PPM1H: variants seen among roughly 807,000 people sequenced by gnomAD.
PPM1H encodes the protein protein phosphatase 1H.
In PPM1H, 27 loss-of-function variants were observed where a neutral mutation model predicts 54.9. That is an observed-to-expected ratio of 0.49 (90% CI 0.36 to 0.68). The LOEUF is 0.68. PPM1H is among the 30% of genes least tolerant of loss of function. The pLI is 0.00. For missense variants in PPM1H, 596 were observed against 667.8 expected, an observed-to-expected ratio of 0.89 and a Z score of 1.19; for synonymous variants, 305 against 270.8, an observed-to-expected ratio of 1.13 and a Z score of -1.24.
intron 1 of PPM1H, among the ~76,000 whole-genome samples, chr12:62,905,827 T>A (rs1307737332): frequency 6.6e-6 from 1 of 152,188 alleles, no homozygotes; most frequent in African/African-American, 2.4e-5. Context: ...CTTCCATGTC[T>A]TACTAATGGA....
chr12:62,847,178 G>A (rs1337602544), intron 1 of PPM1H, among the ~76,000 whole-genome samples: 1 of 152,184 alleles, frequency 6.6e-6, no homozygotes, highest in Non-Finnish European at 1.5e-5. Flanking sequence ...GAGAGGGAGA[G>A]ACAAAGAGGA....
chr12:62,805,702 A>C (rs889018438), intron 2 of PPM1H, among the ~76,000 whole-genome samples: 1 of 152,166 alleles, frequency 6.6e-6, no homozygotes, highest in Non-Finnish European at 1.5e-5. Context: ...GGGGTTGAGG[A>C]AAGTGGGGAG....
chr12:62,916,011 G>T (rs1338186994), intron 1 of PPM1H, among the ~76,000 whole-genome samples: 1 of 152,088 alleles, frequency 6.6e-6, no homozygotes, highest in Non-Finnish European at 1.5e-5. Context: ...TCCAAACTTA[G>T]AATTAACCAG....
intron 6 of PPM1H, among the ~76,000 whole-genome samples, chr12:62,704,901 C>T (rs1414716986): frequency 6.6e-6 from 1 of 152,222 alleles, no homozygotes; most frequent in Non-Finnish European, 1.5e-5. Flanking sequence ...CCTATCAGCA[C>T]GCCTGAGCCA....
intron 4 of PPM1H, among the ~76,000 whole-genome samples, chr12:62,776,348 C>A (rs1345235266): frequency 6.6e-6 from 1 of 152,230 alleles, no homozygotes; most frequent in African/African-American, 2.4e-5. Context: ...ACTACTAAGT[C>A]CCTTCCCTTG....
chr12:62,683,033 T>TTTATTATTA (rs71086626), intron 8 of PPM1H, among the ~76,000 whole-genome samples: 79 of 133,660 alleles, frequency 5.9e-4, no homozygotes, highest in East Asian at 1.3e-3. Context: ...GAGTTTATTA[T>TTTATTATTA]TTATTATTAT....
chr12:62,913,124 A>G (rs1358166797), intron 1 of PPM1H, among the ~76,000 whole-genome samples: 1 of 152,184 alleles, frequency 6.6e-6, no homozygotes, highest in Admixed American at 6.5e-5. Flanking sequence ...AAAGAAAGTG[A>G]TATGGATAAA....
chr12:62,826,192 G>A (rs555806067), intron 2 of PPM1H, among the ~76,000 whole-genome samples: 1 of 152,306 alleles, frequency 6.6e-6, no homozygotes, highest in South Asian at 2.1e-4. Flanking sequence ...GCTCACGTCT[G>A]TAATCCCAAC....
At chr12:62,813,065 G>T (rs1214009338) in intron 2 of PPM1H, among the ~76,000 whole-genome samples, 3 of 152,012 alleles carry the variant, frequency 2.0e-5, no homozygotes, top group Non-Finnish European at 2.9e-5. Flanking sequence ...CATCTGGGTG[G>T]TTGTGAGGTA....
chr12:62,734,348 A>C (rs1287656878), intron 5 of PPM1H, among the ~76,000 whole-genome samples: 1 of 152,192 alleles, frequency 6.6e-6, no homozygotes, highest in Non-Finnish European at 1.5e-5. Flanking sequence ...TGTAGTGGTA[A>C]GACTTTAATT....
At chr12:62,698,688 A>G (rs1348800301) in intron 6 of PPM1H, among the ~76,000 whole-genome samples, 1 of 152,144 alleles carries the variant, frequency 6.6e-6, no homozygotes, top group South Asian at 2.1e-4. Context: ...AAAAATTAAC[A>G]AAGCTATTTC....
intron 8 of PPM1H, among the ~76,000 whole-genome samples, chr12:62,676,510 T>C (rs1430933580): frequency 1.6e-4 from 25 of 152,140 alleles, no homozygotes; most frequent in Admixed American, 1.6e-3. Flanking sequence ...CTTGGGTGTC[T>C]TGGAAGTCCC....
intron 4 of PPM1H, among the ~76,000 whole-genome samples, chr12:62,751,868 G>A (rs148069636): frequency 2.2e-3 from 331 of 152,296 alleles, no homozygotes; most frequent in African/African-American, 7.8e-3. Flanking sequence ...CATGTGGCAG[G>A]GCAGGGAGGC....
At chr12:62,897,832 A>G (rs1272810499) in intron 1 of PPM1H, among the ~76,000 whole-genome samples, 3 of 152,206 alleles carry the variant, frequency 2.0e-5, no homozygotes, top group Non-Finnish European at 2.9e-5. Flanking sequence ...GGGGAGCACC[A>G]TGAGAAGCCA....
At chr12:62,692,022 A>C (rs2076085947) in intron 7 of PPM1H, among the ~76,000 whole-genome samples, 1 of 152,102 alleles carries the variant, frequency 6.6e-6, no homozygotes. Flanking sequence ...CTAGTGACTG[A>C]CCTTGTTTAC....
At chr12:62,770,246 C>G (rs986195800) in intron 4 of PPM1H, among the ~76,000 whole-genome samples, 1 of 152,112 alleles carries the variant, frequency 6.6e-6, no homozygotes, top group African/African-American at 2.4e-5. Flanking sequence ...ACATTTTACA[C>G]ACTTTGAATC....
At chr12:62,771,211 C>T (rs1433256004) in intron 4 of PPM1H, among the ~76,000 whole-genome samples, 1 of 149,770 alleles carries the variant, frequency 6.7e-6, no homozygotes, top group South Asian at 2.1e-4. Context: ...AAAAAAAAAT[C>T]ACAAAATTCG....
chr12:62,772,238 G>A (rs191541005), intron 4 of PPM1H, among the ~76,000 whole-genome samples: 25 of 152,234 alleles, frequency 1.6e-4, no homozygotes, highest in Admixed American at 4.6e-4. Flanking sequence ...CTGCAAAGGA[G>A]GCTATTATTA....
At chr12:62,715,200 A>G (rs2120439628) in intron 6 of PPM1H, among the ~76,000 whole-genome samples, 1 of 152,328 alleles carries the variant, frequency 6.6e-6, no homozygotes, top group South Asian at 2.1e-4. Flanking sequence ...ACTGCTCTCA[A>G]GGCAACACAA....
Sources: gnomAD v4.1 joint callset for allele counts (sites outside exome capture counted in the v4.1 genomes callset) on GRCh38, gnomAD v4.1.1 for gene constraint, MANE v1.5 for transcripts, NCBI Gene and HGNC (gene_info 2026-07-23, HGNC 2026-07-21) for gene names.